Variants in RNF17 observed in about 807,000 individuals in gnomAD.
RNF17 encodes the protein spermatogenesis associated 23.
A neutral mutation model predicts 200.5 loss-of-function variants in RNF17; 31 were observed. The observed-to-expected ratio is 0.15, with a 90% CI of 0.12 to 0.21. RNF17 has a LOEUF of 0.21. Ranked by LOEUF, RNF17 falls within the 10% of genes least tolerant of loss-of-function variation. The pLI, the probability that RNF17 is intolerant of heterozygous loss-of-function variation, is 1.00. For synonymous variants in RNF17, 606 were observed against 637.8 expected, an observed-to-expected ratio of 0.95 and a Z score of 0.75; for missense variants, 1,628 against 1,905.1, an observed-to-expected ratio of 0.85 and a Z score of 2.71.
chr13:24,791,922 A>G (rs188774349), intron 9 of RNF17, among the ~76,000 whole-genome samples: 107 of 152,276 alleles, frequency 7.0e-4, no homozygotes, highest in Non-Finnish European at 1.3e-3. Context: ...AAAATTAATC[A>G]GATAGGTTAA....
Position 24,850,435 on chromosome 13 carries a change from G to A in RNF17, c.3196G>A (p.Asp1066Asn). The stretch of plus-strand genomic sequence containing the variant: ...TGTAGCAACTATAATCTTACAGGTG[G>A]ATAGTGAGGTAACAAGTTACAAGAG... ...GAVATIILQV[D>N]SEENNTTWPL... Residue 1066 changes from aspartate to asparagine, a missense_variant, in exon 23 of 36, where the codon GAT becomes AAT. Asp to Asn is a conservative substitution (Grantham distance 23, BLOSUM62 1). Around this residue, in one of 5 missense-constraint regions of RNF17, gnomAD observed 609 missense variants for 681.9 expected, o/e 0.89. Transcript: ENST00000255324. The A allele has an allele frequency of 1.3e-6, 2 of 1,598,528 alleles. No individual in the cohort carries two copies. The highest frequency in any genetic ancestry group is 1.7e-6 in the Non-Finnish European group (2 of 1,166,706).
At position 24,789,440 on chromosome 13, in the gene RNF17, T is replaced by C. The variant is rs1375078388; in HGVS notation, c.860+16T>C. ...ACCCTCCCAGGTAAGTAAGTCATAG[T>C]TCAGGAGACCATAACAAGTATAAAG... On this transcript the variant is annotated intron_variant, in intron 8 of 35. Transcript: ENST00000255324. The C allele has an allele frequency of 1.3e-6, 2 of 1,510,312 alleles. No homozygotes were observed. The highest frequency in any genetic ancestry group is 2.3e-5 in the South Asian group (2 of 86,988). The allele number at this position is 1,510,312 out of a possible 1,614,324, so 93.6% of individuals were successfully genotyped here. A position where few individuals can be genotyped will look rare whatever the true frequency, so the allele number is the denominator to read the frequency against.
intron 18 of RNF17, among the ~76,000 whole-genome samples, chr13:24,838,932 C>A (rs539455909): frequency 1.7e-4 from 26 of 152,122 alleles, no homozygotes; most frequent in Non-Finnish European, 2.4e-4. Context: ...CCTAAGGACT[C>A]CTCCAGAAGG....
chr13:24,862,655 C>T, intron 27 of RNF17, 58 bp from the exon 28 acceptor site: 2 of 1,074,354 alleles, frequency 1.9e-6, no homozygotes, highest in South Asian at 1.3e-5. Context: ...TCTTAATTTG[C>T]TTCCTGCTCT....
chr13:24,832,647 G>A lies in RNF17; in HGVS notation c.2482+669G>A, dbSNP rs571398725. On this transcript the variant is annotated intron_variant, in intron 18 of 35. Coordinates refer to ENST00000255324, the MANE Select transcript of RNF17 (RefSeq NM_031277.3). ...GCTGGGGTATTAGATACATATACAC[G>A]ATAGGTGCTGAGTAGCTTTTCTCAA... Among the ~76,000 whole-genome samples, 3 of 152,274 alleles carry A rather than the reference G, an allele frequency of 2.0e-5. No individual in the cohort carries two copies. The East Asian group carries it at 5.8e-4, about 29-fold the overall frequency.
intron 15 of RNF17, among the ~76,000 whole-genome samples, chr13:24,808,300 T>C (rs1482495548): frequency 1.3e-5 from 2 of 152,106 alleles, no homozygotes; most frequent in African/African-American, 4.8e-5. Flanking sequence ...CTTCCATTTG[T>C]TTGTATCCTC....
the RNF17 span, among the ~76,000 whole-genome samples, chr13:24,753,000 C>A: frequency 0.15 from 23,186 of 152,064 alleles, 2,075 homozygotes; most frequent in Non-Finnish European, 0.2. Flanking sequence ...CAGATATATT[C>A]TTCTCCTTGG....
At chr13:24,848,088 C>A (rs190512944) in intron 22 of RNF17, among the ~76,000 whole-genome samples, 192 of 152,236 alleles carry the variant, frequency 1.3e-3, no homozygotes, top group African/African-American at 4.4e-3. Flanking sequence ...GACACTATTT[C>A]ACTTAATCCT....
In RNF17 at chr13:24,825,988, T is replaced by C; in HGVS notation, c.2245+216T>C. On this transcript the variant is annotated intron_variant, in intron 16 of 35. Transcript: ENST00000255324. ...AGAACTTAACCATTGGGAATCTTGC[T>C]GGAAAAGTTGTATAGATAGAACAAA... 3 of 985,236 alleles carry C rather than the reference T, an allele frequency of 3.0e-6. No individual in the cohort carries two copies. In the South Asian group the frequency reaches 1.4e-4, roughly 46 times the overall value. The allele number at this position is 985,236 out of a possible 1,614,324, so 61.0% of individuals were successfully genotyped here. A position where few individuals can be genotyped will look rare whatever the true frequency, so the allele number is the denominator to read the frequency against.
intron 11 of RNF17, among the ~76,000 whole-genome samples, chr13:24,797,777 G>T (rs1884786466): frequency 1.4e-5 from 2 of 147,220 alleles, no homozygotes; most frequent in African/African-American, 5.1e-5. Flanking sequence ...TTCTGACCAG[G>T]ATTGTTTCCT....
At chr13:24,766,863 A>C in intron 1 of RNF17, among the ~76,000 whole-genome samples, 1 of 152,232 alleles carries the variant, frequency 6.6e-6, no homozygotes, top group Non-Finnish European at 1.5e-5. Context: ...ATGCTATTAC[A>C]TAGCTCTTCT....
chr13:24,770,714 T>C (rs958480094), intron 2 of RNF17, among the ~76,000 whole-genome samples: 18 of 152,176 alleles, frequency 1.2e-4, no homozygotes, highest in Non-Finnish European at 1.5e-4. Flanking sequence ...AGATGTATAT[T>C]TCACAAAAAT....
intron 19 of RNF17, among the ~76,000 whole-genome samples, chr13:24,843,195 G>T (rs1180198385): frequency 6.6e-6 from 1 of 151,994 alleles, no homozygotes; most frequent in Non-Finnish European, 1.5e-5. Flanking sequence ...AAATGAGAGC[G>T]GAAAAGAAAT....
chr13:24,876,884 A>T, intron 33 of RNF17, 113 bp from the exon 34 acceptor site: 1 of 865,488 alleles, frequency 1.2e-6, no homozygotes. Context: ...GTCGTATCCA[A>T]AAAAATCACT....
At chr13:24,821,994 AGAAAGGGGCTTCT>A (rs1444916951) in intron 15 of RNF17, among the ~76,000 whole-genome samples, 4 of 152,156 alleles carry the variant, frequency 2.6e-5, no homozygotes, top group Admixed American at 2.6e-4. Flanking sequence ...CTCTAGTGAG[AGAAAGGGGCTTCT>A]GAAAGGGAAA....
rs115809102 is a variant in RNF17 at position 24,785,862 on chromosome 13, G to A, written c.612-2126G>A. Among the ~76,000 whole-genome samples the A allele has an allele frequency of 7.6e-3, 1,151 of 151,910 alleles. 15 individuals are homozygous for A. The highest frequency in any genetic ancestry group is 0.025 in the African/African-American group (1,050 of 41,436). Reference sequence around the variant, plus strand: ...AGCCACCCCAGCTTTTTAAATTATCGGCATGTATTATCTTTTTCCATCCTT... The same window carrying A: ...AGCCACCCCAGCTTTTTAAATTATCAGCATGTATTATCTTTTTCCATCCTT... On this transcript the variant is annotated intron_variant, in intron 6 of 35. Transcript: ENST00000255324.
chr13:24,830,302 A>C (rs1357042240), intron 16 of RNF17, among the ~76,000 whole-genome samples, 182 bp from the exon 17 acceptor site: 1 of 152,136 alleles, frequency 6.6e-6, no homozygotes, highest in Non-Finnish European at 1.5e-5. Context: ...TCATTCTTAT[A>C]AGTCTGCACT....
upstream of RNF17, among the ~76,000 whole-genome samples, chr13:24,763,410 G>T (rs181490440): frequency 2.8e-3 from 404 of 143,630 alleles, 1 homozygote; most frequent in Non-Finnish European, 4.5e-3. Context: ...GTAGAGACAG[G>T]GTTTCACCAT....
chr13:24,881,250 G>A (rs909539671), downstream of RNF17, among the ~76,000 whole-genome samples: 11 of 151,808 alleles, frequency 7.2e-5, 1 homozygote, highest in Admixed American at 5.3e-4. Flanking sequence ...GAGTTCAAGC[G>A]ATTGTCCTAC....
Sources: allele counts gnomAD v4.1 joint callset (sites outside exome capture counted in the v4.1 genomes callset), GRCh38; gene constraint gnomAD v4.1.1; regional missense constraint gnomAD v4.1.1; transcripts MANE v1.5; gene names NCBI Gene and HGNC (gene_info 2026-07-23, HGNC 2026-07-21).